Variants in HS3ST4 observed in about 807,000 individuals in gnomAD.
The protein encoded by HS3ST4 is heparan sulfate glucosamine 3-O-sulfotransferase 4.
Under a neutral mutation model 29.2 loss-of-function variants are expected in HS3ST4, and 17 were observed. The ratio of observed to expected loss-of-function variants is 0.58; its 90% CI spans 0.40 to 0.87. The LOEUF is 0.87. Ranked by LOEUF, HS3ST4 falls within the 40% of genes least tolerant of loss-of-function variation. The pLI, the probability that HS3ST4 is intolerant of heterozygous loss-of-function variation, is 0.00. For missense variants in HS3ST4, 627 were observed against 634.5 expected, an observed-to-expected ratio of 0.99 and a Z score of 0.13; for synonymous variants, 314 against 285.7, an observed-to-expected ratio of 1.10 and a Z score of -1.00.
intron 1 of HS3ST4, among the ~76,000 whole-genome samples, chr16:26,091,382 C>T (rs1898854445): frequency 6.6e-6 from 1 of 152,130 alleles, no homozygotes; most frequent in Admixed American, 6.5e-5. Context: ...CAATGAATGC[C>T]TATTGAGTAT....
intron 1 of HS3ST4, among the ~76,000 whole-genome samples, chr16:25,846,746 A>G (rs1967470725): frequency 6.6e-6 from 1 of 152,102 alleles, no homozygotes; most frequent in African/African-American, 2.4e-5. Flanking sequence ...TATATTTTTA[A>G]TCAATCTATA....
At chr16:26,014,315 G>A (rs1045953751) in intron 1 of HS3ST4, among the ~76,000 whole-genome samples, 18 of 152,076 alleles carry the variant, frequency 1.2e-4, no homozygotes, top group East Asian at 1.9e-4. Context: ...AAGTTCTATC[G>A]TCACCATTTT....
intron 1 of HS3ST4, among the ~76,000 whole-genome samples, chr16:26,128,873 G>A (rs1474169158): frequency 7.4e-6 from 1 of 135,152 alleles, no homozygotes; most frequent in African/African-American, 2.5e-5. Context: ...AACTGGCCCT[G>A]CTTCACCCCA....
At chr16:26,109,424 A>G (rs1899098633) in intron 1 of HS3ST4, among the ~76,000 whole-genome samples, 1 of 152,174 alleles carries the variant, frequency 6.6e-6, no homozygotes, top group African/African-American at 2.4e-5. Flanking sequence ...GCAAACATTT[A>G]CTAGTGGTAG....
intron 1 of HS3ST4, among the ~76,000 whole-genome samples, chr16:25,945,028 CAG>C (rs1382538421): frequency 6.6e-6 from 1 of 152,134 alleles, no homozygotes; most frequent in African/African-American, 2.4e-5. Flanking sequence ...CAAAACAAAA[CAG>C]AATATTAGAT....
At chr16:26,025,803 G>A (rs555624200) in intron 1 of HS3ST4, among the ~76,000 whole-genome samples, 1 of 152,290 alleles carries the variant, frequency 6.6e-6, no homozygotes, top group South Asian at 2.1e-4. Context: ...TTGAGATGGA[G>A]TCTCATTCTG....
chr16:25,938,939 C>T (rs1968545659), intron 1 of HS3ST4, among the ~76,000 whole-genome samples: 1 of 152,202 alleles, frequency 6.6e-6, no homozygotes, highest in African/African-American at 2.4e-5. Flanking sequence ...ACCAGACGTT[C>T]TGCAAGGGGA....
chr16:25,693,997 A>AT (rs1966275417), intron 1 of HS3ST4, among the ~76,000 whole-genome samples: 1 of 152,258 alleles, frequency 6.6e-6, no homozygotes, highest in Admixed American at 6.5e-5. Context: ...CCTGCCAGCC[A>AT]TAACATTTTA....
At chr16:25,819,585 A>G (rs998250242) in intron 1 of HS3ST4, among the ~76,000 whole-genome samples, 1 of 152,178 alleles carries the variant, frequency 6.6e-6, no homozygotes, top group Non-Finnish European at 1.5e-5. Context: ...GTGATCACTC[A>G]CAGAACTGTG....
intron 1 of HS3ST4, among the ~76,000 whole-genome samples, chr16:25,964,372 A>G (rs1055186619): frequency 3.3e-5 from 5 of 152,136 alleles, no homozygotes; most frequent in Non-Finnish European, 7.4e-5. Flanking sequence ...CTAAGAGTTG[A>G]AATATAAATA....
chr16:25,821,407 T>C (rs566264374), intron 1 of HS3ST4, among the ~76,000 whole-genome samples: 4 of 152,314 alleles, frequency 2.6e-5, no homozygotes, highest in African/African-American at 9.6e-5. Context: ...GGTTTACTTA[T>C]GTCCTTTGCC....
intron 1 of HS3ST4, among the ~76,000 whole-genome samples, chr16:25,768,056 G>A (rs1966832496): frequency 6.6e-6 from 1 of 152,156 alleles, no homozygotes; most frequent in South Asian, 2.1e-4. Context: ...GGTGGCAGGG[G>A]AGTGCGGGGG....
At chr16:26,007,422 A>G (rs1022061373) in intron 1 of HS3ST4, among the ~76,000 whole-genome samples, 1 of 152,246 alleles carries the variant, frequency 6.6e-6, no homozygotes, top group African/African-American at 2.4e-5. Flanking sequence ...TGCACCAGTT[A>G]TCAACTTTGT....
At chr16:25,925,283 A>AACATTAGGTC (rs1189826668) in intron 1 of HS3ST4, among the ~76,000 whole-genome samples, 1 of 151,786 alleles carries the variant, frequency 6.6e-6, no homozygotes, top group Non-Finnish European at 1.5e-5. Flanking sequence ...ATCAGCCAGC[A>AACATTAGGTC]ACATTAGGTC....
chr16:25,729,723 C>T (rs910006772), intron 1 of HS3ST4, among the ~76,000 whole-genome samples: 2 of 152,156 alleles, frequency 1.3e-5, no homozygotes, highest in Admixed American at 6.5e-5. Context: ...TTGGGACCAT[C>T]GAGTCTCACG....
chr16:26,103,560 C>T (rs1377498652), intron 1 of HS3ST4, among the ~76,000 whole-genome samples: 1 of 152,146 alleles, frequency 6.6e-6, no homozygotes, highest in Non-Finnish European at 1.5e-5. Flanking sequence ...CTCCCTACAG[C>T]CCAAGGTAAC....
At chr16:25,774,504 C>T (rs1270412305) in intron 1 of HS3ST4, among the ~76,000 whole-genome samples, 1 of 152,216 alleles carries the variant, frequency 6.6e-6, no homozygotes, top group Non-Finnish European at 1.5e-5. Context: ...GTGGTTTAGA[C>T]CAAGAACCCT....
intron 1 of HS3ST4, among the ~76,000 whole-genome samples, chr16:25,910,781 G>C (rs764915370): frequency 6.6e-6 from 1 of 152,138 alleles, no homozygotes; most frequent in Admixed American, 6.5e-5. Flanking sequence ...TGGTCCACAG[G>C]TTGTCATTCT....
intron 1 of HS3ST4, among the ~76,000 whole-genome samples, chr16:26,038,502 T>C (rs1165640283): frequency 6.6e-6 from 1 of 151,950 alleles, no homozygotes; most frequent in Non-Finnish European, 1.5e-5. Context: ...CCTAGAAGGG[T>C]CCTGAACTCA....
Sources: allele counts gnomAD v4.1 joint callset (sites outside exome capture counted in the v4.1 genomes callset), GRCh38; gene constraint gnomAD v4.1.1; transcripts MANE v1.5; gene names NCBI Gene and HGNC (gene_info 2026-07-23, HGNC 2026-07-21).